UIMC1: variants seen among roughly 807,000 people sequenced by gnomAD.
UIMC1 encodes the protein ubiquitin interaction motif containing 1.
In UIMC1, 42 loss-of-function variants were observed where a neutral mutation model predicts 84.9. The ratio of observed to expected loss-of-function variants is 0.49; its 90% CI spans 0.39 to 0.64. The LOEUF (loss-of-function observed/expected upper bound fraction) is 0.64, where lower values mean the gene tolerates loss of function less well. Ranked by LOEUF, UIMC1 falls within the 30% of genes least tolerant of loss-of-function variation. The probability of loss-of-function intolerance (pLI) is 0.00; values close to 1 mark genes in which losing one functional copy is unlikely to be tolerated. For synonymous variants in UIMC1, 281 were observed against 293.0 expected, an observed-to-expected ratio of 0.96 and a Z score of 0.42; for missense variants, 825 against 847.6, an observed-to-expected ratio of 0.97 and a Z score of 0.33.
intron 1 of UIMC1, among the ~76,000 whole-genome samples, chr5:176,989,640 G>A (rs1053643964): frequency 8.6e-5 from 13 of 150,974 alleles, no homozygotes; most frequent in Admixed American, 5.9e-4. Context: ...CTAGTCAACC[G>A]ACCAAGACCC....
At chr5:176,999,207 G>C (rs530084189) in intron 1 of UIMC1, among the ~76,000 whole-genome samples, 6 of 152,086 alleles carry the variant, frequency 3.9e-5, no homozygotes, top group Admixed American at 2.0e-4. Context: ...AAAAAATCTT[G>C]CAGTATTTTT....
At chr5:176,914,594 T>C (rs988956348) in intron 10 of UIMC1, among the ~76,000 whole-genome samples, 1 of 152,196 alleles carries the variant, frequency 6.6e-6, no homozygotes, top group African/African-American at 2.4e-5. Flanking sequence ...TAAAGAGATA[T>C]GCGTAATAAA....
At chr5:176,949,660 C>T (rs975017264) in intron 9 of UIMC1, among the ~76,000 whole-genome samples, 2 of 152,190 alleles carry the variant, frequency 1.3e-5, no homozygotes, top group African/African-American at 4.8e-5. Flanking sequence ...AGATCAGGTT[C>T]CAGAGAACCA....
At chr5:176,937,726 C>T (rs1763884449) in intron 10 of UIMC1, among the ~76,000 whole-genome samples, 2 of 152,126 alleles carry the variant, frequency 1.3e-5, no homozygotes, top group Admixed American at 1.3e-4. Flanking sequence ...GTAAATGATT[C>T]TAATTGCTAT....
chr5:176,968,486 A>G, intron 6 of UIMC1, 69 bp downstream of exon 6: 1 of 1,521,514 alleles, frequency 6.6e-7, no homozygotes, highest in Non-Finnish European at 8.8e-7. Context: ...CACAAAAATA[A>G]CAGCTAAAAT....
Position 176,976,924 on chromosome 5 carries a change from T to C in UIMC1, c.148-1444A>G, listed in dbSNP as rs529702666. Reference sequence around the variant, plus strand: ...GCAGTGGCCATGGAGGGTAAAAATGTTCTAAAATTAACTGTGGGCCAGGCG... The same window carrying C: ...GCAGTGGCCATGGAGGGTAAAAATGCTCTAAAATTAACTGTGGGCCAGGCG... On this transcript the variant is annotated intron_variant, in intron 2 of 14. Transcript: ENST00000511320. Among the ~76,000 whole-genome samples, 100 of 152,126 alleles carry C rather than the reference T, an allele frequency of 6.6e-4. 1 individual carries two copies. Among genetic ancestry groups the C allele is most frequent in the Non-Finnish European group, 1.2e-3 (81 of 67,992 alleles).
intron 8 of UIMC1, among the ~76,000 whole-genome samples, chr5:176,953,112 A>G (rs1766102003): frequency 6.6e-6 from 1 of 152,190 alleles, no homozygotes; most frequent in African/African-American, 2.4e-5. Flanking sequence ...ATGTGAGGAC[A>G]CAGCGGGAAG....
intron 10 of UIMC1, among the ~76,000 whole-genome samples, chr5:176,917,261 AT>A (rs1387588275): frequency 6.6e-6 from 1 of 152,216 alleles, no homozygotes; most frequent in Non-Finnish European, 1.5e-5. Flanking sequence ...ACCAGTCTCA[AT>A]TAAAGGCTAT....
chr5:177,009,350 A>C (rs778355086), upstream of UIMC1, among the ~76,000 whole-genome samples: 66 of 151,940 alleles, frequency 4.3e-4, no homozygotes, highest in Non-Finnish European at 7.4e-4. The surrounding 1 kb of genome is among the most constrained non-coding windows in gnomAD (Gnocchi z 4.3). Context: ...TTGTTATATA[A>C]AAACATATAA....
intron 1 of UIMC1, among the ~76,000 whole-genome samples, chr5:177,005,126 GC>G (rs1775076883): frequency 6.6e-6 from 1 of 151,968 alleles, no homozygotes; most frequent in African/African-American, 2.4e-5. Context: ...ATGCTGAAGG[GC>G]AGTGGCACGA....
At chr5:176,923,852 A>C (rs1762020576) in intron 10 of UIMC1, among the ~76,000 whole-genome samples, 1 of 136,026 alleles carries the variant, frequency 7.4e-6, no homozygotes, top group East Asian at 2.4e-4. Context: ...CAACAGAGCA[A>C]GACTCTGTCT....
chr5:176,943,272 G>A, intron 10 of UIMC1, 63 bp downstream of exon 10: 3 of 1,582,920 alleles, frequency 1.9e-6, no homozygotes, highest in Non-Finnish European at 2.6e-6. Context: ...GCATTGTAAT[G>A]TATAGGATTA....
At chr5:177,009,144 C>T (rs929557685), upstream of UIMC1, among the ~76,000 whole-genome samples, 2 of 151,980 alleles carry the variant, frequency 1.3e-5, no homozygotes, top group East Asian at 1.9e-4. This position sits in a 1 kb window ranked among gnomAD's most constrained non-coding sequence, Gnocchi z 4.3. Context: ...GTAGCTGGGA[C>T]TACAGGTGCA....
At chr5:177,001,211 T>G (rs1431356557) in intron 1 of UIMC1, among the ~76,000 whole-genome samples, 1 of 152,232 alleles carries the variant, frequency 6.6e-6, no homozygotes, top group Admixed American at 6.5e-5. Context: ...AGGCCTAGTT[T>G]CATTCTTCTG....
At chr5:176,975,769 A>G (rs1769965910) in intron 2 of UIMC1, among the ~76,000 whole-genome samples, 1 of 152,236 alleles carries the variant, frequency 6.6e-6, no homozygotes, top group Non-Finnish European at 1.5e-5. Context: ...ATCACCAAAG[A>G]TCAGAGTAGC....
chr5:177,013,590 A>G (rs1484138541), intron 1 of UIMC1, among the ~76,000 whole-genome samples: 1 of 152,198 alleles, frequency 6.6e-6, no homozygotes, highest in Non-Finnish European at 1.5e-5. Flanking sequence ...TAGCCAAAAT[A>G]TTTGACTTAA....
chr5:176,999,193 CTCAAAAAAATCTTGCAG>C (rs1283553287), intron 1 of UIMC1, among the ~76,000 whole-genome samples: 2 of 151,956 alleles, frequency 1.3e-5, no homozygotes, highest in African/African-American at 4.8e-5. Context: ...AATAATAATC[CTCAAAAAAATCTTGCAG>C]TATTTTTAAG....
At chr5:176,987,153 G>C (rs1386992279) in intron 1 of UIMC1, among the ~76,000 whole-genome samples, 1 of 152,174 alleles carries the variant, frequency 6.6e-6, no homozygotes, top group Non-Finnish European at 1.5e-5. Flanking sequence ...CCGGGAGGCA[G>C]AGGTTGCAGT....
At chr5:176,956,082 G>C (rs1766564991) in intron 7 of UIMC1, 47 bp from the exon 8 acceptor site, 2 of 1,589,788 alleles carry the variant, frequency 1.3e-6, no homozygotes, top group South Asian at 1.1e-5. Flanking sequence ...AAATAAATCA[G>C]AACATAGAGC....
Sources: allele counts gnomAD v4.1 joint callset (sites outside exome capture counted in the v4.1 genomes callset), GRCh38; gene constraint gnomAD v4.1.1; non-coding constraint Gnocchi (gnomAD v3.1); transcripts MANE v1.5; gene names NCBI Gene and HGNC (gene_info 2026-07-23, HGNC 2026-07-21).